The following RAB40C variants were observed in gnomAD, a reference collection of about 807,000 sequenced individuals.
RAB40C encodes ras-related protein Rab-40C.
Under a neutral mutation model 28.1 loss-of-function variants are expected in RAB40C, and 8 were observed. The ratio of observed to expected loss-of-function variants is 0.28; its 90% CI spans 0.17 to 0.51. The LOEUF is 0.51. RAB40C is among the 20% of genes least tolerant of loss of function. RAB40C has a pLI of 0.97. For synonymous variants in RAB40C, 201 were observed against 171.7 expected (o/e 1.17, Z -1.34); for missense variants, 288 against 405.9 (o/e 0.71, Z 2.50).
chr16:626,991 C>T (rs2036852340), intron 5 of RAB40C, among the ~76,000 whole-genome samples: 1 of 152,136 alleles, frequency 6.6e-6, no homozygotes. Context: ...AGGACGCGCG[C>T]TCCCCCGCTC....
chr16:621,344 G>A (rs747611805), intron 3 of RAB40C, among the ~76,000 whole-genome samples: 27 of 152,346 alleles, frequency 1.8e-4, no homozygotes, highest in East Asian at 5.8e-4. Flanking sequence ...TTCTCCCGCC[G>A]CCCCTGATGA....
intron 1 of RAB40C, among the ~76,000 whole-genome samples, chr16:594,556 A>G (rs970184127): frequency 4.6e-5 from 7 of 152,118 alleles, no homozygotes; most frequent in Non-Finnish European, 1.0e-4. Flanking sequence ...ATCTGGCTTG[A>G]AGTTCGTGGC....
intron 4 of RAB40C, 184 bp from the exon 5 acceptor site, chr16:625,715 G>A: frequency 4.8e-6 from 4 of 828,246 alleles, no homozygotes; most frequent in Non-Finnish European, 7.6e-6. Flanking sequence ...GGAGCTACGG[G>A]GCCACCCGGA....
chr16:595,754 C>T (rs189805505), intron 1 of RAB40C, among the ~76,000 whole-genome samples: 3 of 152,238 alleles, frequency 2.0e-5, no homozygotes, highest in African/African-American at 7.2e-5. Flanking sequence ...AGCCACCTGC[C>T]ACCACACCCA....
At position 625,894 on chromosome 16, in the gene RAB40C, C is replaced by T. The variant is rs539841970; in HGVS notation, c.343-5C>T. On this transcript the variant is annotated splice_polypyrimidine_tract_variant and splice_region_variant and intron_variant, in intron 4 of 5. Coordinates refer to ENST00000248139, the MANE Select transcript of RAB40C (RefSeq NM_021168.5). ...TTGTGCGTCTGCTGAGTTCTGTGCC[C>T]CCAGCATGCACCCGGAGTCCCCCGG... 2.5e-6 allele frequency: 4 copies of T among 1,610,552 alleles called. No individual in the cohort carries two copies. In the African/African-American group the frequency reaches 4.0e-5, roughly 16 times the overall value.
chr16:617,218 C>T lies in RAB40C; in HGVS notation c.153C>T (p.Tyr51=), dbSNP rs1017328712. 1.9e-6 allele frequency: 3 copies of T among 1,613,852 alleles called. No homozygotes were observed. Among genetic ancestry groups the T allele is most frequent in the African/African-American group, 2.7e-5 (2 of 74,956 alleles). The change falls in exon 2 of 6, where the codon TAC becomes TAT. Residue 51 remains tyrosine (Y), a synonymous_variant. Coordinates refer to ENST00000248139, the MANE Select transcript of RAB40C (RefSeq NM_021168.5). ...SPYAYSNGID[Y]KTTTILLDGR... ...TGTGCTTCCTCGCAGGGATCGACTA[C>T]AAGACCACCACCATCCTGCTGGACG...
chr16:596,352 G>GA, intron 1 of RAB40C: 1 of 455,954 alleles, frequency 2.2e-6, no homozygotes, highest in East Asian at 6.9e-5. Flanking sequence ...GCTGGTCCCT[G>GA]AAAAGCTGCC....
rs1251096531 is a variant in RAB40C at position 628,924 on chromosome 16, G to A, written c.*1302G>A. The A allele has an allele frequency of 6.5e-6, 1 of 153,142 alleles. No homozygotes were observed. The highest frequency in any genetic ancestry group is 1.5e-5 in the Non-Finnish European group (1 of 68,552). The allele number at this position is 153,142 out of a possible 1,614,324, so 9.5% of individuals were successfully genotyped here. A position where few individuals can be genotyped will look rare whatever the true frequency, so the allele number is the denominator to read the frequency against. On this transcript the variant is annotated 3_prime_UTR_variant, in exon 6 of 6. Transcript: ENST00000248139. ...GCTTCCCAAGGTGGTCCCACGGAGG[G>A]TGTTACTGGGCACCAGTGGACTCGC...
intron 1 of RAB40C, among the ~76,000 whole-genome samples, chr16:593,716 C>T (rs1040141525): frequency 4.6e-5 from 7 of 152,240 alleles, no homozygotes; most frequent in Non-Finnish European, 1.0e-4. Context: ...CGCCCAGCAC[C>T]TGTGGGAGCC....
At chr16:626,959 C>T (rs182096370) in intron 5 of RAB40C, among the ~76,000 whole-genome samples, 10 of 152,280 alleles carry the variant, frequency 6.6e-5, no homozygotes, top group Admixed American at 5.2e-4. Flanking sequence ...AAAGAATGAG[C>T]GAGTGCTCTA....
At position 610,208 on chromosome 16, in the gene RAB40C, C is replaced by G. The variant is rs529658193; in HGVS notation, c.143-7000C>G. Among the ~76,000 whole-genome samples, 3 of 152,288 alleles carry G rather than the reference C, an allele frequency of 2.0e-5. No individual in the cohort carries two copies. The South Asian group carries it at 6.2e-4, about 32-fold the overall frequency. On this transcript the variant is annotated intron_variant, in intron 1 of 5. Coordinates refer to ENST00000248139, the MANE Select transcript of RAB40C (RefSeq NM_021168.5). This position sits in a 1 kb window ranked among gnomAD's most constrained non-coding sequence, Gnocchi z 4.6. The stretch of plus-strand genomic sequence containing the variant: ...CTGGTGGCAGGACAGGTGTTCTGAC[C>G]TCCCTGCCTCTGTCCCCTGAGGTCA...
intron 3 of RAB40C, chr16:624,208 G>A: frequency 1.0e-6 from 1 of 985,412 alleles, no homozygotes; most frequent in African/African-American, 1.7e-5. Context: ...TGCCATGCGG[G>A]AGGTTGCCAC....
chr16:622,914 G>A (rs1462611093), intron 3 of RAB40C, among the ~76,000 whole-genome samples: 1 of 152,168 alleles, frequency 6.6e-6, no homozygotes. Context: ...GGGTGCTTAG[G>A]GTGCCGTTCG....
Position 624,939 on chromosome 16 carries a change from C to A in RAB40C, c.265-493C>A, listed in dbSNP as rs1203550805. 7.8e-6 allele frequency: 10 copies of A among 1,288,492 alleles called. No individual in the cohort carries two copies. In the East Asian group the frequency reaches 5.0e-4, roughly 64 times the overall value. 79.8% of individuals were successfully genotyped at this position (1,288,492 alleles called of 1,614,324 possible). On this transcript the variant is annotated intron_variant, in intron 3 of 5. Coordinates refer to ENST00000248139, the MANE Select transcript of RAB40C (RefSeq NM_021168.5). ...AAAAGTCCCCGTGGCAAAACCTGCT[C>A]TGCCTGGCTGGGGGAGCTTCACAGA...
chr16:592,494 A>G (rs1014903024), intron 1 of RAB40C, among the ~76,000 whole-genome samples: 1 of 152,064 alleles, frequency 6.6e-6, no homozygotes, highest in Non-Finnish European at 1.5e-5. Context: ...TGTAAGGCCC[A>G]CTGGGGCATT....
intron 1 of RAB40C, among the ~76,000 whole-genome samples, chr16:597,520 G>A (rs2036153920): frequency 6.7e-6 from 1 of 149,800 alleles, no homozygotes; most frequent in Non-Finnish European, 1.5e-5. Context: ...GTCTTGCTCC[G>A]TTACCCAGGG....
chr16:607,322 C>A (rs1324437022), intron 1 of RAB40C, among the ~76,000 whole-genome samples: 1 of 151,744 alleles, frequency 6.6e-6, no homozygotes, highest in Non-Finnish European at 1.5e-5. Context: ...CATGGTGAAA[C>A]CCCATCTCTA....
At chr16:599,013 A>C (rs1239768326) in intron 1 of RAB40C, among the ~76,000 whole-genome samples, 2 of 152,188 alleles carry the variant, frequency 1.3e-5, no homozygotes, top group Non-Finnish European at 2.9e-5. Flanking sequence ...GTTGTCGGCC[A>C]CCTGGGCACA....
At chr16:603,563 C>A (rs1380795543) in intron 1 of RAB40C, among the ~76,000 whole-genome samples, 2 of 152,316 alleles carry the variant, frequency 1.3e-5, no homozygotes, top group South Asian at 2.1e-4. Context: ...AATCCTTAGA[C>A]CTCCAAATTC....
Sources: allele counts gnomAD v4.1 joint callset (sites outside exome capture counted in the v4.1 genomes callset), GRCh38; gene constraint gnomAD v4.1.1; non-coding constraint Gnocchi (gnomAD v3.1); transcripts MANE v1.5; gene names NCBI Gene and HGNC (gene_info 2026-07-23, HGNC 2026-07-21).